The following PCK1 variants were observed in gnomAD, a reference collection of about 807,000 sequenced individuals.
PCK1 encodes phosphoenolpyruvate carboxykinase 1.
Under a neutral mutation model 50.3 loss-of-function variants are expected in PCK1, and 44 were observed. That is an observed-to-expected ratio of 0.87 (90% CI 0.69 to 1.12). The LOEUF (loss-of-function observed/expected upper bound fraction) is 1.12, where lower values mean the gene tolerates loss of function less well. Among genes scored for constraint, PCK1 ranks in the 50% most tolerant of loss-of-function variants. The pLI is 0.00. For missense variants in PCK1, 790 were observed against 815.0 expected (o/e 0.97, Z 0.37); for synonymous variants, 332 against 314.3 (o/e 1.06, Z -0.59).
In PCK1 at chr20:57,564,580, G is replaced by T; in HGVS notation, c.1285G>T (p.Glu429Ter). ...GGAGTCTCCGGAAGGTGTTCCCATT[G>T]AAGGCATTATCTTTGGAGGCCGTAG... ...AWESPEGVPI[E>*]GIIFGGRRPA... The change falls in exon 8 of 10, where the codon GAA becomes TAA. Residue 429 changes from glutamate to a stop codon, truncating the protein, a stop_gained. Transcript: ENST00000319441. LOFTEE classifies it high-confidence loss of function. 1 of 1,611,258 alleles carries T rather than the reference G, an allele frequency of 6.2e-7. No homozygotes were observed. Among genetic ancestry groups the T allele is most frequent in the South Asian group, 1.1e-5 (1 of 90,778 alleles).
chr20:57,561,459 C>T lies in PCK1; in HGVS notation c.48C>T (p.Val16=). ...QNGLNLSAKV[V]QGSLDSLPQA... ...GCCTGAACCTCTCGGCCAAAGTTGTCCAGGGAAGCCTGGACAGCCTACCCC... is the reference window on the plus strand; with the variant it reads ...GCCTGAACCTCTCGGCCAAAGTTGTTCAGGGAAGCCTGGACAGCCTACCCC... The change falls in exon 2 of 10, where the codon GTC becomes GTT. Residue 16 remains valine, a synonymous_variant. Coordinates refer to ENST00000319441, the MANE Select transcript of PCK1 (RefSeq NM_002591.4). The T allele has an allele frequency of 6.2e-7, 1 of 1,613,832 alleles. No homozygotes were observed. The highest frequency in any genetic ancestry group is 8.5e-7 in the Non-Finnish European group (1 of 1,179,986).
At position 57,566,860 on chromosome 20, in the gene PCK1, A is replaced by G. The variant is rs576356003; in HGVS notation, c.*1056A>G. 1 of 152,330 alleles carries G rather than the reference A, an allele frequency of 6.6e-6. No individual in the cohort carries two copies. Among genetic ancestry groups the G allele is most frequent in the African/African-American group, 2.4e-5 (1 of 41,570 alleles). 9.4% of individuals were successfully genotyped at this position (152,330 alleles called of 1,614,324 possible). A position where few individuals can be genotyped will look rare whatever the true frequency, so the allele number is the denominator to read the frequency against. ...TTGCCTTTTAACTCTTCAAAGCAAC[A>G]GTTTTCTCAACTGTCATCCCCGCGG... On this transcript the variant is annotated 3_prime_UTR_variant, in exon 10 of 10. Transcript: ENST00000319441.
Position 57,565,471 on chromosome 20 carries a change from C to T in PCK1, c.1536C>T (p.Phe512=), listed in dbSNP as rs1469943981. Residue 512 remains phenylalanine, a synonymous_variant, in exon 10 of 10, where the codon TTC becomes TTT. Transcript: ENST00000319441. ...CAGCAGCCAAACTGCCCAAGATCTT[C>T]CATGTCAACTGGTTCCGGAAGGACA... ...QHPAAKLPKI[F]HVNWFRKDKE... 6 of 1,614,218 alleles carry T rather than the reference C, an allele frequency of 3.7e-6. No individual in the cohort carries two copies. The highest frequency in any genetic ancestry group is 3.4e-6 in the Non-Finnish European group (4 of 1,180,010).
At position 57,565,405 on chromosome 20, in the gene PCK1, C is replaced by T. The variant is rs572045272; in HGVS notation, c.1470C>T (p.Phe490=). The change falls in exon 10 of 10, where the codon TTC becomes TTT. Residue 490 remains phenylalanine, a synonymous_variant. Transcript: ENST00000319441. The stretch of plus-strand genomic sequence containing the variant: ...TGCGGCCCTTCTTTGGCTACAACTT[C>T]GGCAAATACCTGGCCCACTGGCTTA... ...FAMRPFFGYN[F]GKYLAHWLSM... The T allele has an allele frequency of 1.4e-4, 230 of 1,614,218 alleles. 1 individual carries two copies. Among genetic ancestry groups the T allele is most frequent in the Admixed American group, 1.0e-4 (6 of 60,032 alleles).
chr20:57,563,344 C>A, intron 5 of PCK1, 129 bp downstream of exon 5: 2 of 850,016 alleles, frequency 2.4e-6, no homozygotes, highest in East Asian at 2.5e-5. Flanking sequence ...TCGGGAAACC[C>A]CACCAGTAAT....
Position 57,562,128 on chromosome 20 carries a change from C to T in PCK1, c.282C>T (p.Ile94=), listed in dbSNP as rs6070157. ...DVARIESKTV[I]VTQEQRDTVP... is the part of the protein sequence containing the mutation. ...CCAGGATCGAAAGCAAGACGGTTAT[C>T]GTCACCCAAGAGCAAAGAGACACAG... is the stretch of plus-strand genomic sequence containing the variant. The change falls in exon 3 of 10, where the codon ATC becomes ATT. Residue 94 remains isoleucine, a synonymous_variant. Transcript: ENST00000319441. 0.19 allele frequency: 305,384 copies of T among 1,613,658 alleles called. 30,555 individuals are homozygous for T. The highest frequency in any genetic ancestry group is 0.2 in the Non-Finnish European group (240,708 of 1,179,642).
In PCK1 at chr20:57,562,443, C is replaced by T. The variant is rs939450887; in HGVS notation, c.406+191C>T. 10 of 635,830 alleles carry T rather than the reference C, an allele frequency of 1.6e-5. 1 individual carries two copies. Among genetic ancestry groups the T allele is most frequent in the Admixed American group, 2.9e-5 (1 of 34,142 alleles). The allele number at this position is 635,830 out of a possible 1,614,324, so 39.4% of individuals were successfully genotyped here. On this transcript the variant is annotated intron_variant, in intron 3 of 9. Transcript: ENST00000319441. The stretch of plus-strand genomic sequence containing the variant: ...GCTTTTACAGACTGTCTTATACAAA[C>T]GTGAAAACTAGTTCCATGCATATGG...
chr20:57,561,831 T>A (rs2070146493), intron 2 of PCK1, 196 bp downstream of exon 2: 6 of 606,366 alleles, frequency 9.9e-6, no homozygotes, highest in Non-Finnish European at 1.7e-5. Flanking sequence ...AAATGAGGTG[T>A]GTGCACAAAA....
chr20:57,563,400 A>G lies in PCK1; in HGVS notation c.799-165A>G, dbSNP rs1412848438. ...TCGCTTTTGAAGGCCCCCAAACACC[A>G]GGGGACCATAGAGATCCTTTGGACT... On this transcript the variant is annotated intron_variant, in intron 5 of 9. Coordinates refer to ENST00000319441, the MANE Select transcript of PCK1 (RefSeq NM_002591.4). 7 of 681,600 alleles carry G rather than the reference A, an allele frequency of 1.0e-5. No homozygotes were observed. In the Admixed American group the frequency reaches 2.0e-4, roughly 20 times the overall value. The allele number at this position is 681,600 out of a possible 1,614,324, so 42.2% of individuals were successfully genotyped here. A position where few individuals can be genotyped will look rare whatever the true frequency, so the allele number is the denominator to read the frequency against.
At chr20:57,562,642 G>C in intron 3 of PCK1, 54 bp from the exon 4 acceptor site, 2 of 1,465,662 alleles carry the variant, frequency 1.4e-6, no homozygotes, top group Non-Finnish European at 1.9e-6. Flanking sequence ...AATGCTGGTC[G>C]TGTTCGAAGT....
At position 57,562,107 on chromosome 20, in the gene PCK1, G is replaced by T; in HGVS notation, c.261G>T (p.Arg87Ser). Residue 87 changes from arginine to serine, a missense_variant, in exon 3 of 10, where the codon AGG becomes AGT. By Grantham distance (110) the Arg-to-Ser change is moderately radical. Transcript: ENST00000319441. ...TCACTGACCCCAGGGATGTGGCCAG[G>T]ATCGAAAGCAAGACGGTTATCGTCA... ...LALTDPRDVA[R>S]IESKTVIVTQ... is the part of the protein sequence containing the mutation. 1.2e-6 allele frequency: 2 copies of T among 1,614,216 alleles called. No individual in the cohort carries two copies. The highest frequency in any genetic ancestry group is 1.7e-6 in the Non-Finnish European group (2 of 1,180,030).
chr20:57,565,886 C>G lies in PCK1; in HGVS notation c.*82C>G, dbSNP rs1407675469. On this transcript the variant is annotated 3_prime_UTR_variant, in exon 10 of 10. Transcript: ENST00000319441. ...GTAGGAGCAAGAGAGGGCAAGTGTT[C>G]CCAAATTGACGCCACCATAATAATC... The G allele has an allele frequency of 4.0e-6, 4 of 993,382 alleles. No individual in the cohort carries two copies. The highest frequency in any genetic ancestry group is 5.8e-6 in the Non-Finnish European group (4 of 683,996). The allele number at this position is 993,382 out of a possible 1,614,324, so 61.5% of individuals were successfully genotyped here.
At position 57,561,696 on chromosome 20, in the gene PCK1, T is replaced by C. The variant is rs1453484791; in HGVS notation, c.224+61T>C. On this transcript the variant is annotated intron_variant, in intron 2 of 9. Coordinates refer to ENST00000319441, the MANE Select transcript of PCK1 (RefSeq NM_002591.4). ...GCAGGCAGGGCTCCCCTGCGTCTCC[T>C]GGGAGTTGGTGGAGAAAGGTGAATG... 1.4e-5 allele frequency: 16 copies of C among 1,138,016 alleles called. No homozygotes were observed. In the African/African-American group the frequency reaches 1.7e-4, roughly 12 times the overall value. 70.5% of individuals were successfully genotyped at this position (1,138,016 alleles called of 1,614,324 possible). A position where few individuals can be genotyped will look rare whatever the true frequency, so the allele number is the denominator to read the frequency against.
At position 57,563,687 on chromosome 20, in the gene PCK1, C is replaced by T. The variant is rs758917878; in HGVS notation, c.921C>T (p.Cys307=). Reference sequence around the variant, plus strand: ...GCCTCCCCGGGTGGAAGGTTGAGTGCGTCGGGGATGACATTGCCTGGATGA... The same window carrying T: ...GCCTCCCCGGGTGGAAGGTTGAGTGTGTCGGGGATGACATTGCCTGGATGA... ...NPSLPGWKVE[C]VGDDIAWMKF... Residue 307 remains cysteine, a synonymous_variant, in exon 6 of 10, where the codon TGC becomes TGT. Transcript: ENST00000319441. 1.9e-5 allele frequency: 30 copies of T among 1,613,128 alleles called. No homozygotes were observed. Among genetic ancestry groups the T allele is most frequent in the African/African-American group, 2.7e-5 (2 of 74,856 alleles).
intron 8 of PCK1, 118 bp from the exon 9 acceptor site, chr20:57,564,922 C>T: frequency 1.3e-6 from 1 of 799,368 alleles, no homozygotes; most frequent in South Asian, 1.7e-5. Flanking sequence ...GCAAAACTAG[C>T]TCGATTACAA....
chr20:57,565,189 C>A, intron 9 of PCK1, 54 bp downstream of exon 9: 3 of 1,401,276 alleles, frequency 2.1e-6, no homozygotes, highest in Non-Finnish European at 3.0e-6. Context: ...GAGCACTCTT[C>A]GTCACTCTTA....
rs749448028 is a variant in PCK1, at chr20:57,564,204, T to C, written c.997T>C (p.Phe333Leu). Reference protein sequence around the residue: ...LRAINPENGFFGVAPGTSVKT... With the variant: ...LRAINPENGFLGVAPGTSVKT... ...GGCCATCAACCCAGAAAATGGCTTT[T>C]TCGGTGTCGCTCCTGGGACTTCAGT... is the stretch of plus-strand genomic sequence containing the variant. Residue 333 changes from phenylalanine to leucine, a missense_variant, in exon 7 of 10, where the codon TTC becomes CTC. Coordinates refer to ENST00000319441, the MANE Select transcript of PCK1 (RefSeq NM_002591.4). 56 of 1,613,862 alleles carry C rather than the reference T, an allele frequency of 3.5e-5. No individual in the cohort carries two copies. The highest frequency in any genetic ancestry group is 4.3e-5 in the Non-Finnish European group (51 of 1,179,916).
rs1187648152 is a variant in PCK1, at chr20:57,566,701, A to C, written c.*897A>C. 1.3e-5 allele frequency: 2 copies of C among 152,140 alleles called. No homozygotes were observed. Among genetic ancestry groups the C allele is most frequent in the Non-Finnish European group, 2.9e-5 (2 of 68,040 alleles). The allele number at this position is 152,140 out of a possible 1,614,324, so 9.4% of individuals were successfully genotyped here. ...AAGCCACTAGTTGGCATCCTTTAAC[A>C]ATTCTACAAACCTTTAGATGGTGAG... On this transcript the variant is annotated 3_prime_UTR_variant, in exon 10 of 10. Coordinates refer to ENST00000319441, the MANE Select transcript of PCK1 (RefSeq NM_002591.4).
At position 57,562,075 on chromosome 20, in the gene PCK1, T is replaced by C; in HGVS notation, c.229T>C (p.Leu77=). The C allele has an allele frequency of 6.2e-7, 1 of 1,613,268 alleles. No individual in the cohort carries two copies. The highest frequency in any genetic ancestry group is 1.7e-5 in the Admixed American group (1 of 59,948). Residue 77 remains leucine (L), a synonymous_variant, in exon 3 of 10, where the codon TTG becomes CTG. Coordinates refer to ENST00000319441, the MANE Select transcript of PCK1 (RefSeq NM_002591.4). ...RRLKKYDNCW[L]ALTDPRDVAR... ...GGAAGCCTGTGATTTTTGCAGCTGG[T>C]TGGCTCTCACTGACCCCAGGGATGT...
Sources: allele counts gnomAD v4.1 joint callset, GRCh38; gene constraint gnomAD v4.1.1; transcripts MANE v1.5; gene names NCBI Gene and HGNC (gene_info 2026-07-23, HGNC 2026-07-21).